TLK1: variants seen among roughly 807,000 people sequenced by gnomAD.
TLK1 encodes serine/threonine-protein kinase tousled-like 1.
In TLK1, 24 loss-of-function variants were observed where a neutral mutation model predicts 105.3. That is an observed-to-expected ratio of 0.23 (90% CI 0.17 to 0.32). TLK1 has a LOEUF of 0.32. TLK1 is among the 10% of genes least tolerant of loss of function. The pLI is 1.00. For missense variants in TLK1, 558 were observed against 910.5 expected (o/e 0.61, Z 4.98); for synonymous variants, 321 against 310.4 (o/e 1.03, Z -0.36).
At chr2:171,181,921 C>T (rs985841679) in intron 1 of TLK1, among the ~76,000 whole-genome samples, 10 of 152,164 alleles carry the variant, frequency 6.6e-5, no homozygotes, top group African/African-American at 1.2e-4. Context: ...TATCCAGCTA[C>T]GCCCCACAAT....
intron 1 of TLK1, among the ~76,000 whole-genome samples, chr2:171,147,257 T>C (rs1691828226): frequency 6.6e-6 from 1 of 152,192 alleles, no homozygotes; most frequent in African/African-American, 2.4e-5. Flanking sequence ...CAATAAGTTT[T>C]CTATAAAACT....
At chr2:171,027,614 C>CA (rs1446254977) in intron 12 of TLK1, among the ~76,000 whole-genome samples, 1 of 151,984 alleles carries the variant, frequency 6.6e-6, no homozygotes, top group Non-Finnish European at 1.5e-5. Context: ...AAAGATAAGC[C>CA]AAAGAAATAA....
chr2:171,124,663 ACTC>A (rs1184407265), intron 1 of TLK1, among the ~76,000 whole-genome samples: 3 of 152,106 alleles, frequency 2.0e-5, no homozygotes, highest in African/African-American at 7.2e-5. Flanking sequence ...TAAACTATGA[ACTC>A]CTCAGTTTTA....
At position 171,001,899 on chromosome 2, in the gene TLK1, G is replaced by A. The variant is rs1003128984; in HGVS notation, c.1905-4076C>T. On this transcript the variant is annotated intron_variant, in intron 18 of 20. Transcript: ENST00000431350. The stretch of plus-strand genomic sequence containing the variant: ...GGGTTCAAGCAATTCTCCTGCCTCA[G>A]CCTCCATAGTAGCTGAGAATACAGG... Among the ~76,000 whole-genome samples the A allele has an allele frequency of 3.2e-4, 49 of 152,050 alleles. 1 individual carries two copies. Among genetic ancestry groups the A allele is most frequent in the African/African-American group, 1.1e-3 (47 of 41,374 alleles).
At chr2:171,130,891 G>C (rs939363019) in intron 1 of TLK1, among the ~76,000 whole-genome samples, 1 of 152,052 alleles carries the variant, frequency 6.6e-6, no homozygotes, top group Non-Finnish European at 1.5e-5. Flanking sequence ...TTGGGATCCA[G>C]ATATATAAAT....
chr2:171,185,377 C>T (rs905525089), intron 1 of TLK1, among the ~76,000 whole-genome samples: 4 of 152,074 alleles, frequency 2.6e-5, no homozygotes, highest in African/African-American at 9.7e-5. Flanking sequence ...TTCATGGCTA[C>T]CCTTCATCTT....
At chr2:171,209,921 G>A (rs1013294098) in intron 1 of TLK1, among the ~76,000 whole-genome samples, 5 of 152,084 alleles carry the variant, frequency 3.3e-5, no homozygotes, top group Non-Finnish European at 4.4e-5. Context: ...CTTTGTTACC[G>A]CAGCCCTAGC....
intron 1 of TLK1, among the ~76,000 whole-genome samples, chr2:171,220,415 ACAGTG>A (rs2105330309): frequency 6.6e-6 from 1 of 152,294 alleles, no homozygotes; most frequent in South Asian, 2.1e-4. Context: ...GGCAGAAGTG[ACAGTG>A]TATGATTTCC....
chr2:171,021,780 T>C (rs1467492327), intron 12 of TLK1, among the ~76,000 whole-genome samples: 1 of 152,116 alleles, frequency 6.6e-6, no homozygotes, highest in Non-Finnish European at 1.5e-5. Context: ...TTAAATTCCA[T>C]TGCCTGTATA....
At chr2:171,053,585 T>C in intron 8 of TLK1, 176 bp downstream of exon 8, 1 of 461,354 alleles carries the variant, frequency 2.2e-6, no homozygotes, top group Non-Finnish European at 3.9e-6. Flanking sequence ...ATGCTCTTGA[T>C]CTCTCAACCT....
intron 11 of TLK1, among the ~76,000 whole-genome samples, chr2:171,035,214 C>T (rs1033342545): frequency 3.3e-5 from 5 of 152,068 alleles, no homozygotes; most frequent in Admixed American, 2.6e-4. Flanking sequence ...TGGTGGCAGG[C>T]ACCTGTAATC....
At chr2:171,068,990 G>A (rs1022932040) in intron 3 of TLK1, among the ~76,000 whole-genome samples, 3 of 152,126 alleles carry the variant, frequency 2.0e-5, no homozygotes, top group African/African-American at 7.2e-5. Flanking sequence ...TGTCAGTAAT[G>A]TCAACTTGTG....
At chr2:171,090,921 T>C (rs891501851) in intron 2 of TLK1, among the ~76,000 whole-genome samples, 2 of 152,216 alleles carry the variant, frequency 1.3e-5, no homozygotes, top group African/African-American at 2.4e-5. Flanking sequence ...GCACTAGCCA[T>C]ATTTTAAATC....
intron 1 of TLK1, among the ~76,000 whole-genome samples, chr2:171,211,849 C>CTT (rs776587137): frequency 1.4e-5 from 2 of 139,940 alleles, no homozygotes; most frequent in African/African-American, 2.6e-5. Flanking sequence ...TGCCCGGCCT[C>CTT]TTTTTTTTTT....
rs1483164707 is a variant in TLK1 at position 170,992,332 on chromosome 2, T to C, written c.*1448A>G. The C allele has an allele frequency of 6.6e-6, 1 of 152,320 alleles. No homozygotes were observed. Among genetic ancestry groups the C allele is most frequent in the African/African-American group, 2.4e-5 (1 of 41,454 alleles). The allele number at this position is 152,320 out of a possible 1,614,324, so 9.4% of individuals were successfully genotyped here. On this transcript the variant is annotated 3_prime_UTR_variant, in exon 21 of 21. Transcript: ENST00000431350. ...TATTAAAGAGAATCCGTGGTACGTA[T>C]AACCTTTTTCTGCAACATGAACAAC...
chr2:171,159,747 A>G (rs1383202943), intron 1 of TLK1: 1 of 152,394 alleles, frequency 6.6e-6, no homozygotes, highest in Non-Finnish European at 1.5e-5. Flanking sequence ...CTGCCCAGAT[A>G]ATTTCAGCGT....
At chr2:171,121,078 G>A (rs1009276955) in intron 1 of TLK1, among the ~76,000 whole-genome samples, 1 of 152,150 alleles carries the variant, frequency 6.6e-6, no homozygotes, top group African/African-American at 2.4e-5. Flanking sequence ...TGGTGGAATG[G>A]GAGGTTAGTA....
intron 2 of TLK1, among the ~76,000 whole-genome samples, chr2:171,100,614 G>C (rs1193784576): frequency 6.6e-6 from 1 of 152,022 alleles, no homozygotes; most frequent in Non-Finnish European, 1.5e-5. Context: ...CCAGTCTCTG[G>C]CATTCTGTTA....
At chr2:171,055,237 A>G in intron 6 of TLK1, 65 bp from the exon 7 acceptor site, 1 of 952,886 alleles carries the variant, frequency 1.0e-6, no homozygotes, top group Non-Finnish European at 1.5e-6. Context: ...AACAAAACAG[A>G]TTTCTAATTA....
Sources: gnomAD v4.1 joint callset for allele counts (sites outside exome capture counted in the v4.1 genomes callset) on GRCh38, gnomAD v4.1.1 for gene constraint, MANE v1.5 for transcripts, NCBI Gene and HGNC (gene_info 2026-07-23, HGNC 2026-07-21) for gene names.